The following GMEB1 variants were observed in gnomAD, a reference collection of about 807,000 sequenced individuals.
GMEB1 encodes glucocorticoid modulatory element binding protein 1.
GMEB1 carries 6 observed loss-of-function variants against 52.4 expected under a neutral mutation model. The ratio of observed to expected loss-of-function variants is 0.11; its 90% confidence interval spans 0.06 to 0.23. The LOEUF (loss-of-function observed/expected upper bound fraction) is 0.23. Among genes scored for constraint, GMEB1 ranks in the 10% least tolerant of loss-of-function variants. The probability of loss-of-function intolerance (pLI) is 1.00; values close to 1 mark genes in which losing one functional copy is unlikely to be tolerated. For missense variants in GMEB1, 486 were observed against 685.6 expected (o/e 0.71, Z 3.25); for synonymous variants, 255 against 244.9 (o/e 1.04, Z -0.38).
At position 28,702,580 on chromosome 1, in the gene GMEB1, A is replaced by G. The variant is rs753465128; in HGVS notation, c.730+11A>G. ...CAGAGGAAATTTCAGGTATTCTTCT[A>G]TAGGGCTCAGATGTCTTGCAGGGTC... On this transcript the variant is annotated intron_variant, in intron 7 of 9. Transcript: ENST00000373816. 46 of 1,611,902 alleles carry G rather than the reference A, an allele frequency of 2.9e-5. No homozygotes were observed. Among genetic ancestry groups the G allele is most frequent in the Admixed American group, 8.3e-5 (5 of 59,916 alleles).
rs1671281577 is a variant in GMEB1 at position 28,716,714 on chromosome 1, G to A, written c.*1941G>A. On this transcript the variant is annotated 3_prime_UTR_variant, in exon 10 of 10. Transcript: ENST00000373816. ...TCTGCAACATTATATTATAGGAAAT[G>A]TACCAGGAATGTCAATAATAATGCT... The A allele has an allele frequency of 7.0e-6, 1 of 143,660 alleles. No homozygotes were observed. Among genetic ancestry groups the A allele is most frequent in the African/African-American group, 2.6e-5 (1 of 39,142 alleles). 8.9% of individuals were successfully genotyped at this position (143,660 alleles called of 1,614,324 possible). A position where few individuals can be genotyped will look rare whatever the true frequency, so the allele number is the denominator to read the frequency against.
chr1:28,683,329 G>A (rs923626805), intron 1 of GMEB1, among the ~76,000 whole-genome samples: 2 of 151,970 alleles, frequency 1.3e-5, no homozygotes, highest in African/African-American at 2.4e-5. Context: ...GGCTTCAAGC[G>A]ATTCTCCTTC....
Position 28,715,042 on chromosome 1 carries a change from A to G in GMEB1, c.*269A>G, listed in dbSNP as rs1671228255. The stretch of plus-strand genomic sequence containing the variant: ...AGTAATTTCTTTTAGGGGAAGTGTC[A>G]AGATAACAAGTAACCCTGTCCAGAA... On this transcript the variant is annotated 3_prime_UTR_variant, in exon 10 of 10. Transcript: ENST00000373816. 2.6e-6 allele frequency: 1 copy of G among 390,680 alleles called. No individual in the cohort carries two copies. The highest frequency in any genetic ancestry group is 4.7e-6 in the Non-Finnish European group (1 of 214,386). 24.2% of individuals were successfully genotyped at this position (390,680 alleles called of 1,614,324 possible).
At chr1:28,690,737 T>TTC (rs1162133796) in intron 3 of GMEB1, among the ~76,000 whole-genome samples, 2 of 152,134 alleles carry the variant, frequency 1.3e-5, no homozygotes, top group Non-Finnish European at 2.9e-5. Context: ...TCCCAACACT[T>TTC]TGGGAGGCTG....
chr1:28,689,737 T>C (rs1487824165), intron 2 of GMEB1: 1 of 166,640 alleles, frequency 6.0e-6, no homozygotes, highest in Non-Finnish European at 1.3e-5. Context: ...AGAAATATTG[T>C]AGCTTTCTGT....
intron 8 of GMEB1, among the ~76,000 whole-genome samples, chr1:28,707,145 G>C (rs1431364838): frequency 6.6e-6 from 1 of 151,576 alleles, no homozygotes; most frequent in African/African-American, 2.4e-5. Context: ...ACCACGGCCA[G>C]CTAATTTTTT....
In GMEB1 at chr1:28,714,240, G is replaced by T. The variant is rs757027726; in HGVS notation, c.1159G>T (p.Val387Phe). 1 of 1,614,182 alleles carries T rather than the reference G, an allele frequency of 6.2e-7. No individual in the cohort carries two copies. The highest frequency in any genetic ancestry group is 8.5e-7 in the Non-Finnish European group (1 of 1,180,028). The change falls in exon 10 of 10, where the codon GTC becomes TTC. Residue 387 changes from valine (V) to phenylalanine (F), a missense_variant. Val to Phe is a conservative substitution (Grantham distance 50, BLOSUM62 -1). This residue lies in a region of GMEB1 where 200 missense variants were observed against 253.5 expected (regional missense o/e 0.79). Transcript: ENST00000373816. Reference protein sequence around the residue: ...STTVLSPSPPVQQPQFTVISP... With the variant: ...STTVLSPSPPFQQPQFTVISP... ...CACTGTCTTGAGCCCTTCTCCTCCT[G>T]TCCAGCAGCCTCAGTTCACAGTCAT...
chr1:28,680,777 G>A (rs1669355523), intron 1 of GMEB1, among the ~76,000 whole-genome samples: 1 of 151,374 alleles, frequency 6.6e-6, no homozygotes, highest in Admixed American at 6.6e-5. Flanking sequence ...CCTTGGCCAG[G>A]CATGGTGGCT....
intron 1 of GMEB1, among the ~76,000 whole-genome samples, chr1:28,677,200 AT>A (rs1669189317): frequency 6.6e-6 from 1 of 152,098 alleles, no homozygotes; most frequent in Non-Finnish European, 1.5e-5. Flanking sequence ...AAAATCTGAA[AT>A]TTGAGGCACT....
intron 6 of GMEB1, among the ~76,000 whole-genome samples, chr1:28,701,733 T>TA (rs1168541774): frequency 1.3e-5 from 2 of 152,050 alleles, no homozygotes; most frequent in African/African-American, 2.4e-5. Context: ...CACACCCAGC[T>TA]AGTTTTTATA....
chr1:28,702,494 T>C lies in GMEB1; in HGVS notation c.655T>C (p.Trp219Arg). 1 of 1,613,554 alleles carries C rather than the reference T, an allele frequency of 6.2e-7. No individual in the cohort carries two copies. Among genetic ancestry groups the C allele is most frequent in the Non-Finnish European group, 8.5e-7 (1 of 1,179,568 alleles). Residue 219 changes from tryptophan to arginine, a missense_variant, in exon 7 of 10, where the codon TGG becomes CGG. This residue lies in a region of GMEB1 where 200 missense variants were observed against 253.5 expected (regional missense o/e 0.79). Coordinates refer to ENST00000373816, the MANE Select transcript of GMEB1 (RefSeq NM_001319674.2). ...EESMEEAGLE[W>R]NSALTAAVTM... ...GAGCATGGAAGAGGCAGGGCTGGAA[T>C]GGAACTCAGCTCTCACCGCTGCTGT...
intron 1 of GMEB1, among the ~76,000 whole-genome samples, chr1:28,675,258 C>T (rs1050246065): frequency 6.6e-6 from 1 of 151,846 alleles, no homozygotes; most frequent in Non-Finnish European, 1.5e-5. Context: ...ACCTTGTGAT[C>T]CACCTGCCTT....
At chr1:28,697,551 C>T (rs530268664) in intron 6 of GMEB1, among the ~76,000 whole-genome samples, 2 of 152,244 alleles carry the variant, frequency 1.3e-5, no homozygotes, top group East Asian at 3.9e-4. Context: ...ATTGATGTGC[C>T]TTGTTGTAAA....
At chr1:28,697,877 C>T (rs368162553) in intron 6 of GMEB1, among the ~76,000 whole-genome samples, 60 of 152,202 alleles carry the variant, frequency 3.9e-4, no homozygotes, top group African/African-American at 1.3e-3. Flanking sequence ...CGGTGGCTCA[C>T]GCCTGTAATC....
chr1:28,694,842 T>G (rs1317827537), intron 5 of GMEB1, among the ~76,000 whole-genome samples: 1 of 151,760 alleles, frequency 6.6e-6, no homozygotes, highest in Non-Finnish European at 1.5e-5. Context: ...TTTTGTATTT[T>G]TAGTAGAGAC....
chr1:28,714,322 T>C lies in GMEB1; in HGVS notation c.1241T>C (p.Val414Ala). 6.2e-7 allele frequency: 1 copy of C among 1,614,202 alleles called. No individual in the cohort carries two copies. Among genetic ancestry groups the C allele is most frequent in the Non-Finnish European group, 8.5e-7 (1 of 1,180,026 alleles). ...GQSFSMGNIPVATLSQGSSPV... is the reference protein window; with the variant it reads ...GQSFSMGNIPAATLSQGSSPV... Reference sequence around the variant, plus strand: ...TCATTTTCCATGGGCAATATTCCAGTGGCCACCCTCAGCCAGGGCTCCAGT... The same window carrying C: ...TCATTTTCCATGGGCAATATTCCAGCGGCCACCCTCAGCCAGGGCTCCAGT... Residue 414 changes from valine (V) to alanine (A), a missense_variant, in exon 10 of 10, where the codon GTG becomes GCG. Transcript: ENST00000373816.
chr1:28,697,964 C>T (rs1057394472), intron 6 of GMEB1, among the ~76,000 whole-genome samples: 1 of 151,930 alleles, frequency 6.6e-6, no homozygotes, highest in African/African-American at 2.4e-5. Flanking sequence ...ACAGTGAAAC[C>T]CCGTCTCTAC....
chr1:28,708,485 G>T (rs1475459323), intron 8 of GMEB1, among the ~76,000 whole-genome samples: 1 of 149,484 alleles, frequency 6.7e-6, no homozygotes, highest in African/African-American at 2.5e-5. Context: ...TTTTGAGACA[G>T]AGTTTCGCTG....
Position 28,714,157 on chromosome 1 carries a change from T to C in GMEB1, c.1076T>C (p.Met359Thr). 6.2e-7 allele frequency: 1 copy of C among 1,614,174 alleles called. No individual in the cohort carries two copies. The highest frequency in any genetic ancestry group is 8.5e-7 in the Non-Finnish European group (1 of 1,180,004). Residue 359 changes from methionine to threonine, a missense_variant, in exon 10 of 10, where the codon ATG (methionine) becomes ACG (threonine). Met to Thr is a moderately conservative substitution (Grantham distance 81). Transcript: ENST00000373816. ...CAGACAGTTCAAAATGTGGTACTGATGCCTGTGAGCACTCCTAAGCCTCCA... is the reference window on the plus strand; with the variant it reads ...CAGACAGTTCAAAATGTGGTACTGACGCCTGTGAGCACTCCTAAGCCTCCA... ...KSQTVQNVVLMPVSTPKPPKR... is the reference protein window; with the variant it reads ...KSQTVQNVVLTPVSTPKPPKR...
Sources: allele counts gnomAD v4.1 joint callset (sites outside exome capture counted in the v4.1 genomes callset), GRCh38; gene constraint gnomAD v4.1.1; regional missense constraint gnomAD v4.1.1; transcripts MANE v1.5; gene names NCBI Gene and HGNC (gene_info 2026-07-23, HGNC 2026-07-21).